NLRP5: variants seen among roughly 807,000 people sequenced by gnomAD.
The protein encoded by NLRP5 is NLR family pyrin domain containing 5, also known as NACHT, LRR and PYD domains-containing protein 5.
NLRP5 carries 93 observed loss-of-function variants against 113.1 expected under a neutral mutation model. That is an observed-to-expected ratio of 0.82 (90% CI 0.70 to 0.98). The LOEUF (loss-of-function observed/expected upper bound fraction) is 0.98, where lower values mean the gene tolerates loss of function less well. Ranked by LOEUF, NLRP5 falls within the 50% of genes least tolerant of loss-of-function variation. The pLI, the probability that NLRP5 is intolerant of heterozygous loss-of-function variation, is 0.00. For synonymous variants in NLRP5, 751 were observed against 600.7 expected (o/e 1.25, Z -3.66); for missense variants, 1,808 against 1,514.3 (o/e 1.19, Z -3.22).
chr19:55,999,220 T>TTTC (rs1296590968), upstream of NLRP5, among the ~76,000 whole-genome samples: 7 of 147,014 alleles, frequency 4.8e-5, no homozygotes, highest in African/African-American at 1.5e-4. Context: ...TTCTTTTTTT[T>TTTC]TTTTTTTTTT....
intron 2 of NLRP5, among the ~76,000 whole-genome samples, chr19:56,005,596 T>C (rs1981870787): frequency 7.2e-6 from 1 of 139,352 alleles, no homozygotes; most frequent in African/African-American, 2.7e-5. Context: ...CACACGCAGG[T>C]GGCATGCCTG....
intron 13 of NLRP5, among the ~76,000 whole-genome samples, chr19:56,054,167 T>A (rs973761037): frequency 2.0e-5 from 3 of 152,152 alleles, no homozygotes; most frequent in Non-Finnish European, 4.4e-5. Flanking sequence ...AAGCAAGTGA[T>A]TACCTGAGTG....
At position 56,027,545 on chromosome 19, in the gene NLRP5, A is replaced by G. The variant is rs1982913388; in HGVS notation, c.1312A>G (p.Ile438Val). 6.2e-7 allele frequency: 1 copy of G among 1,613,902 alleles called. No homozygotes were observed. Among genetic ancestry groups the G allele is most frequent in the African/African-American group, 1.3e-5 (1 of 74,942 alleles). ...TAGAGGAATCTCCGGGGAACAAAGA[A>G]TCCACTTGCTCCTTGAGCGCGGGAT... Residue 438 changes from isoleucine (I) to valine (V), a missense_variant, in exon 7 of 15, where the codon ATC becomes GTC. Physicochemically the swap from Ile to Val is conservative, Grantham distance 29. Coordinates refer to ENST00000390649, the MANE Select transcript of NLRP5 (RefSeq NM_153447.4).
At chr19:56,000,643 C>T (rs1206199206) in intron 1 of NLRP5, among the ~76,000 whole-genome samples, 2 of 151,792 alleles carry the variant, frequency 1.3e-5, no homozygotes, top group African/African-American at 4.8e-5. Flanking sequence ...GGATTACAGA[C>T]GTGAGCCACT....
At chr19:56,053,613 T>A in intron 12 of NLRP5, 25 bp from the exon 13 acceptor site, 1 of 1,599,964 alleles carries the variant, frequency 6.3e-7, no homozygotes, top group South Asian at 1.1e-5. Flanking sequence ...AGAGGCAGAC[T>A]CTCTCTATTC....
chr19:56,043,530 T>C (rs1983597113), intron 11 of NLRP5, among the ~76,000 whole-genome samples: 1 of 138,236 alleles, frequency 7.2e-6, no homozygotes, highest in Admixed American at 7.5e-5. Flanking sequence ...ATTGTCTGTT[T>C]ACTCTGCTAT....
chr19:56,046,120 T>C (rs1983713313), intron 11 of NLRP5, among the ~76,000 whole-genome samples: 1 of 152,234 alleles, frequency 6.6e-6, no homozygotes, highest in Non-Finnish European at 1.5e-5. Context: ...TACATGAAGG[T>C]ATGTCCCTTG....
chr19:56,057,942 G>C (rs184332391), intron 13 of NLRP5, among the ~76,000 whole-genome samples: 1 of 151,086 alleles, frequency 6.6e-6, no homozygotes, highest in Non-Finnish European at 1.5e-5. Flanking sequence ...CAGGAGTATC[G>C]CTTGAATCCC....
At chr19:55,991,132 G>A in the NLRP5 span, among the ~76,000 whole-genome samples, 1 of 152,176 alleles carries the variant, frequency 6.6e-6, no homozygotes. Flanking sequence ...TCTGGAGTGA[G>A]GAGGGTACTG....
chr19:56,020,807 A>G (rs931073247), intron 6 of NLRP5, among the ~76,000 whole-genome samples: 15 of 151,824 alleles, frequency 9.9e-5, no homozygotes, highest in Admixed American at 2.0e-4. Flanking sequence ...TATGTACATG[A>G]ATACCTGCCA....
chr19:56,031,757 C>T (rs1319494610), intron 7 of NLRP5, among the ~76,000 whole-genome samples: 1 of 152,136 alleles, frequency 6.6e-6, no homozygotes, highest in East Asian at 1.9e-4. Context: ...AGAATGTCCT[C>T]CTCTAAGGAC....
Position 56,027,080 on chromosome 19 carries a change from G to A in NLRP5, c.847G>A (p.Val283Ile), listed in dbSNP as rs760289445. 1 of 1,562,858 alleles carries A rather than the reference G, an allele frequency of 6.4e-7. No homozygotes were observed. Among genetic ancestry groups the A allele is most frequent in the East Asian group, 2.4e-5 (1 of 41,722 alleles). ...GTGGGGCTTCCGGCCTCGCACGGTG[G>A]TTCTGCACGGAAAGTCAGGAATTGG... Residue 283 changes from valine (V) to isoleucine (I), a missense_variant, in exon 7 of 15, where the codon GTT (valine) becomes ATT (isoleucine). Coordinates refer to ENST00000390649, the MANE Select transcript of NLRP5 (RefSeq NM_153447.4).
Position 56,003,862 on chromosome 19 carries a change from A to T in NLRP5, c.209A>T (p.Tyr70Phe). 1 of 1,614,006 alleles carries T rather than the reference A, an allele frequency of 6.2e-7. No individual in the cohort carries two copies. Among genetic ancestry groups the T allele is most frequent in the East Asian group, 2.2e-5 (1 of 44,884 alleles). ...AGCTACGGGCTGCAATGGTGTCTCT[A>T]TGAGCTAGACAAGGAAGAATTTCAG... The change falls in exon 2 of 15, where the codon TAT becomes TTT. Residue 70 changes from tyrosine (Y) to phenylalanine (F), a missense_variant. Tyr to Phe is a conservative substitution (Grantham distance 22). Transcript: ENST00000390649.
At chr19:56,056,377 G>C (rs8102563) in intron 13 of NLRP5, among the ~76,000 whole-genome samples, 21,718 of 151,810 alleles carry the variant, frequency 0.14, 1,706 homozygotes, top group East Asian at 0.31. Flanking sequence ...GCCAACATAG[G>C]AAAACCCCAT....
At chr19:56,006,331 G>A (rs760607382) in intron 2 of NLRP5, among the ~76,000 whole-genome samples, 15 of 152,218 alleles carry the variant, frequency 9.9e-5, no homozygotes, top group South Asian at 4.1e-4. Flanking sequence ...TGTAAATAAC[G>A]AGTTAATGGG....
At chr19:56,026,216 G>A (rs564407534) in intron 6 of NLRP5, among the ~76,000 whole-genome samples, 1 of 152,160 alleles carries the variant, frequency 6.6e-6, no homozygotes, top group East Asian at 1.9e-4. Flanking sequence ...TTTCTGTGAG[G>A]TATATTTTTA....
intron 4 of NLRP5, among the ~76,000 whole-genome samples, chr19:56,016,518 C>T (rs558915208): frequency 7.9e-5 from 12 of 152,118 alleles, no homozygotes; most frequent in African/African-American, 2.9e-4. Context: ...AACCAGTCAC[C>T]ACGTTGTGCA....
At chr19:55,991,299 T>C in the NLRP5 span, among the ~76,000 whole-genome samples, 1 of 152,240 alleles carries the variant, frequency 6.6e-6, no homozygotes, top group Non-Finnish European at 1.5e-5. Flanking sequence ...CTATCGTAGA[T>C]GTTAAAGTGC....
intron 11 of NLRP5, among the ~76,000 whole-genome samples, chr19:56,043,482 T>A (rs1021888856): frequency 2.6e-5 from 4 of 151,328 alleles, no homozygotes; most frequent in Non-Finnish European, 5.9e-5. Context: ...CGTTGTAGAC[T>A]CGACTCTAGA....
Sources: allele counts gnomAD v4.1 joint callset (sites outside exome capture counted in the v4.1 genomes callset), GRCh38; gene constraint gnomAD v4.1.1; transcripts MANE v1.5; gene names NCBI Gene and HGNC (gene_info 2026-07-23, HGNC 2026-07-21).